Variants in SLIT1 observed in about 807,000 individuals in gnomAD.
SLIT1 encodes slit homolog 1 protein.
Under a neutral mutation model 186.1 loss-of-function variants are expected in SLIT1, and 66 were observed. That is an observed-to-expected ratio of 0.35 (90% CI 0.29 to 0.44). SLIT1 has a LOEUF of 0.44. Among genes scored for constraint, SLIT1 ranks in the 20% least tolerant of loss-of-function variants. The pLI, the probability that SLIT1 is intolerant of heterozygous loss-of-function variation, is 1.00. For missense variants in SLIT1, 1,638 were observed against 2,037.4 expected (o/e 0.80, Z 3.77); for synonymous variants, 761 against 833.8 (o/e 0.91, Z 1.50).
chr10:97,011,528 C>A (rs898676801), intron 30 of SLIT1, among the ~76,000 whole-genome samples: 1 of 152,104 alleles, frequency 6.6e-6, no homozygotes, highest in South Asian at 2.1e-4. Context: ...GACCCACTAC[C>A]ATGTGACTGA....
At chr10:97,065,874 A>G (rs1848939851) in intron 5 of SLIT1, 141 bp downstream of exon 5, 2 of 649,120 alleles carry the variant, frequency 3.1e-6, no homozygotes, top group South Asian at 3.6e-5. Context: ...CCAGAAGACC[A>G]TGCTGGCACC....
intron 4 of SLIT1, among the ~76,000 whole-genome samples, chr10:97,139,855 G>A (rs770594117): frequency 6.6e-6 from 1 of 152,170 alleles, no homozygotes; most frequent in Non-Finnish European, 1.5e-5. Context: ...GGGGACTCCC[G>A]AAATCGGCAA....
Position 97,004,938 on chromosome 10 carries a change from C to T in SLIT1, c.3580-115G>A. 1 of 1,265,576 alleles carries T rather than the reference C, an allele frequency of 7.9e-7. No individual in the cohort carries two copies. The highest frequency in any genetic ancestry group is 1.1e-6 in the Non-Finnish European group (1 of 897,134). 78.4% of individuals were successfully genotyped at this position (1,265,576 alleles called of 1,614,324 possible). A position where few individuals can be genotyped will look rare whatever the true frequency, so the allele number is the denominator to read the frequency against. The stretch of plus-strand genomic sequence containing the variant: ...GAAGAGAGATGCTCTGTGCAGAGCG[C>T]TCTTCCCCCACCTGGCCAGCCTCCC... On this transcript the variant is annotated intron_variant, in intron 32 of 36. Transcript: ENST00000266058. The surrounding 1 kb of genome is among the most constrained non-coding windows in gnomAD (Gnocchi z 5.1).
intron 4 of SLIT1, among the ~76,000 whole-genome samples, chr10:97,128,924 GA>G (rs753452543): frequency 3.3e-4 from 35 of 106,958 alleles, no homozygotes; most frequent in Admixed American, 1.1e-3. Context: ...GGAAAACTAA[GA>G]CAAAAAAAAA....
At chr10:97,079,786 T>C (rs187700208) in intron 4 of SLIT1, among the ~76,000 whole-genome samples, 28 of 152,294 alleles carry the variant, frequency 1.8e-4, no homozygotes, top group Non-Finnish European at 3.7e-4. Flanking sequence ...ATGCTGCATC[T>C]TCCAGAGTCT....
chr10:97,131,410 C>T (rs1449136110), intron 4 of SLIT1, among the ~76,000 whole-genome samples: 7 of 152,352 alleles, frequency 4.6e-5, no homozygotes, highest in Admixed American at 3.3e-4. Context: ...GCCCACCCAG[C>T]CCTGGACCAA....
chr10:97,029,606 C>A (rs555893935), intron 25 of SLIT1, among the ~76,000 whole-genome samples: 2 of 152,182 alleles, frequency 1.3e-5, no homozygotes, highest in Non-Finnish European at 2.9e-5. Context: ...TTTTTGATTT[C>A]GTCTGTTTTT....
rs1480545774 is a variant in SLIT1, at chr10:97,001,097, T to A, written c.*15A>T. The A allele has an allele frequency of 6.2e-7, 1 of 1,607,970 alleles. No individual in the cohort carries two copies. The highest frequency in any genetic ancestry group is 1.3e-5 in the African/African-American group (1 of 74,826). On this transcript the variant is annotated 3_prime_UTR_variant, in exon 37 of 37. Coordinates refer to ENST00000266058, the MANE Select transcript of SLIT1 (RefSeq NM_003061.3). ...GGCCCCTTGCCCGCCCTCACCGGCC[T>A]GTCCACGCCCAGCGCTATGCGCAGA...
intron 4 of SLIT1, among the ~76,000 whole-genome samples, chr10:97,119,094 G>A (rs1457899834): frequency 1.3e-5 from 2 of 152,180 alleles, no homozygotes; most frequent in African/African-American, 4.8e-5. Context: ...CCCCTGGAGG[G>A]GCAGTGTTCT....
intron 4 of SLIT1, among the ~76,000 whole-genome samples, chr10:97,130,835 A>T: frequency 6.6e-6 from 1 of 152,160 alleles, no homozygotes; most frequent in South Asian, 2.1e-4. Context: ...ATTGTTTTTG[A>T]TGGGGGAGGG....
intron 4 of SLIT1, among the ~76,000 whole-genome samples, chr10:97,139,143 G>A (rs1390578132): frequency 2.6e-5 from 4 of 152,180 alleles, no homozygotes; most frequent in Non-Finnish European, 5.9e-5. Flanking sequence ...GAGTGAGGCT[G>A]GAAAGGAGGG....
chr10:97,042,814 T>C, intron 20 of SLIT1, 87 bp downstream of exon 20: 1 of 1,421,258 alleles, frequency 7.0e-7, no homozygotes, highest in Non-Finnish European at 9.7e-7. Flanking sequence ...GGGTGCTGCC[T>C]GTCCACTCCC....
intron 4 of SLIT1, among the ~76,000 whole-genome samples, chr10:97,080,412 T>G (rs567713618): frequency 6.6e-6 from 1 of 152,358 alleles, no homozygotes; most frequent in African/African-American, 2.4e-5. Context: ...AGCCACACCT[T>G]CCAAGTCACA....
Position 97,047,759 on chromosome 10 carries a change from T to G in SLIT1, c.1565A>C (p.Asn522Thr), listed in dbSNP as rs551521743. ...VCPHKCRCEANVVECSSLKLT... is the reference protein window; with the variant it reads ...VCPHKCRCEATVVECSSLKLT... ...CTTCAGGCTGGAGCACTCCACCACG[T>G]TGGCCTCACAGCGGCACTTGTGGGG... Residue 522 changes from asparagine (N) to threonine (T), a missense_variant, in exon 16 of 37, where the codon AAC becomes ACC. Physicochemically the swap from Asn to Thr is moderately conservative, Grantham distance 65. This residue lies in a region of SLIT1 where 1,245 missense variants were observed against 1,535.3 expected (regional missense o/e 0.81). Coordinates refer to ENST00000266058, the MANE Select transcript of SLIT1 (RefSeq NM_003061.3). 2 of 1,614,090 alleles carry G rather than the reference T, an allele frequency of 1.2e-6. No individual in the cohort carries two copies.
intron 35 of SLIT1, 91 bp from the exon 36 acceptor site, chr10:97,002,460 C>T (rs1175227142): frequency 2.0e-6 from 2 of 993,258 alleles, no homozygotes; most frequent in Admixed American, 2.6e-5. Context: ...CCCACCCCAC[C>T]CAGCCCTGAC....
At position 97,064,111 on chromosome 10, in the gene SLIT1, C is replaced by A. The variant is rs1245132545; in HGVS notation, c.629+57G>T. Reference sequence around the variant, plus strand: ...AAACCTTCACCTCCTGCCCCACCCACCCCCTGGCATCAACCGGGCTTGGCT... The same window carrying A: ...AAACCTTCACCTCCTGCCCCACCCAACCCCTGGCATCAACCGGGCTTGGCT... On this transcript the variant is annotated intron_variant, in intron 7 of 36. Coordinates refer to ENST00000266058, the MANE Select transcript of SLIT1 (RefSeq NM_003061.3). 2.6e-5 allele frequency: 37 copies of A among 1,403,786 alleles called. No individual in the cohort carries two copies. In the Middle Eastern group the frequency reaches 9.9e-4, roughly 38 times the overall value. 87.0% of individuals were successfully genotyped at this position (1,403,786 alleles called of 1,614,324 possible). A position where few individuals can be genotyped will look rare whatever the true frequency, so the allele number is the denominator to read the frequency against.
At chr10:97,013,668 G>T in intron 30 of SLIT1, 73 bp downstream of exon 30, 1 of 1,089,814 alleles carries the variant, frequency 9.2e-7, no homozygotes, top group Non-Finnish European at 1.4e-6. Flanking sequence ...GTGGGGCACG[G>T]AGCCCAGACT....
At chr10:97,017,453 G>T (rs1017342226) in intron 28 of SLIT1, among the ~76,000 whole-genome samples, 3 of 152,252 alleles carry the variant, frequency 2.0e-5, no homozygotes, top group Non-Finnish European at 2.9e-5. Context: ...GCTCTGGGAG[G>T]GTGGGGCTCA....
chr10:97,079,911 G>A (rs1849086652), intron 4 of SLIT1, among the ~76,000 whole-genome samples: 1 of 152,184 alleles, frequency 6.6e-6, no homozygotes, highest in Non-Finnish European at 1.5e-5. Context: ...AAGGATCTGG[G>A]AGAGCCAGGG....
Sources: allele counts gnomAD v4.1 joint callset (sites outside exome capture counted in the v4.1 genomes callset), GRCh38; gene constraint gnomAD v4.1.1; regional missense constraint gnomAD v4.1.1; non-coding constraint Gnocchi (gnomAD v3.1); transcripts MANE v1.5; gene names NCBI Gene and HGNC (gene_info 2026-07-23, HGNC 2026-07-21).